The following ST6GALNAC3 variants were observed in gnomAD, a reference collection of about 807,000 sequenced individuals.
ST6GALNAC3 encodes the protein alpha-N-acetylgalactosaminide alpha-2,6-sialyltransferase 3.
In ST6GALNAC3, 25 loss-of-function variants were observed where a neutral mutation model predicts 32.7. The observed-to-expected ratio is 0.76, with a 90% CI of 0.56 to 1.07. ST6GALNAC3 has a LOEUF of 1.07. Ranked by LOEUF, ST6GALNAC3 falls within the 50% of genes least tolerant of loss-of-function variation. The pLI is 0.00. For synonymous variants in ST6GALNAC3, 129 were observed against 133.1 expected (o/e 0.97, Z 0.21); for missense variants, 355 against 382.4 (o/e 0.93, Z 0.60).
At chr1:76,356,484 C>T (rs1649458782) in intron 2 of ST6GALNAC3, among the ~76,000 whole-genome samples, 1 of 120,270 alleles carries the variant, frequency 8.3e-6, no homozygotes, top group African/African-American at 3.2e-5. Context: ...AGTGCAGGAA[C>T]AGGGGAGAAA....
At position 76,146,521 on chromosome 1, in the gene ST6GALNAC3, C is replaced by G. The variant is rs530446088; in HGVS notation, c.18+71637C>G. ...TCCTCCCCTCCTCCTTCTTTTCTCC[C>G]TCACACTCCTGTCCACACTTCCAGT... On this transcript the variant is annotated intron_variant, in intron 1 of 4. Coordinates refer to ENST00000328299, the MANE Select transcript of ST6GALNAC3 (RefSeq NM_152996.4). Among the ~76,000 whole-genome samples the G allele has an allele frequency of 5.9e-5, 9 of 152,238 alleles. No individual in the cohort carries two copies. In the East Asian group the frequency reaches 1.7e-3, roughly 30 times the overall value.
intron 2 of ST6GALNAC3, among the ~76,000 whole-genome samples, chr1:76,327,293 TG>T (rs1412905314): frequency 6.6e-6 from 1 of 151,446 alleles, no homozygotes; most frequent in African/African-American, 2.4e-5. Flanking sequence ...TGTGTGTGTG[TG>T]TGTGTGTGTG....
At chr1:76,444,793 G>C (rs1294049131) in intron 3 of ST6GALNAC3, among the ~76,000 whole-genome samples, 1 of 152,142 alleles carries the variant, frequency 6.6e-6, no homozygotes, top group African/African-American at 2.4e-5. Context: ...GATTGCAACT[G>C]TATGTCCTCT....
intron 3 of ST6GALNAC3, among the ~76,000 whole-genome samples, chr1:76,600,959 G>T (rs895788766): frequency 4.6e-5 from 7 of 152,156 alleles, no homozygotes; most frequent in Non-Finnish European, 8.8e-5. Flanking sequence ...GAGGTGGGTG[G>T]ATGGCTTTAG....
At chr1:76,180,981 G>A (rs1264187614) in intron 1 of ST6GALNAC3, among the ~76,000 whole-genome samples, 2 of 152,258 alleles carry the variant, frequency 1.3e-5, no homozygotes, top group Non-Finnish European at 2.9e-5. Context: ...TGACACTTAA[G>A]CCATGCGTGG....
At chr1:76,190,864 G>A (rs66489023) in intron 1 of ST6GALNAC3, among the ~76,000 whole-genome samples, 11,563 of 152,176 alleles carry the variant, frequency 0.076, 449 homozygotes, top group Middle Eastern at 0.11. Context: ...TTTAAAAATT[G>A]GTATTGGTTC....
intron 3 of ST6GALNAC3, among the ~76,000 whole-genome samples, chr1:76,545,858 C>T (rs1664267582): frequency 1.3e-5 from 2 of 152,072 alleles, no homozygotes; most frequent in African/African-American, 2.4e-5. Flanking sequence ...AGGGTTTCTC[C>T]ATGTTGGTCA....
chr1:76,410,676 G>A (rs1654172084), intron 2 of ST6GALNAC3, among the ~76,000 whole-genome samples: 1 of 152,068 alleles, frequency 6.6e-6, no homozygotes. Flanking sequence ...CTCTATGACT[G>A]CTGTGAGTGC....
chr1:76,341,605 T>TTTTCTTTCCTTCTTTCTTTC (rs1647977608), intron 2 of ST6GALNAC3, among the ~76,000 whole-genome samples: 1 of 91,186 alleles, frequency 1.1e-5, no homozygotes, highest in Non-Finnish European at 2.2e-5. Context: ...TCCAAACTGC[T>TTTTCTTTCCTTCTTTCTTTC]TTTCTTTCTT....
intron 3 of ST6GALNAC3, among the ~76,000 whole-genome samples, chr1:76,465,648 A>G (rs1268737049): frequency 6.6e-6 from 1 of 152,152 alleles, no homozygotes. Context: ...ATATTAGCCA[A>G]ACACTGAGCA....
At chr1:76,161,207 C>T (rs527693453) in intron 1 of ST6GALNAC3, among the ~76,000 whole-genome samples, 1 of 152,306 alleles carries the variant, frequency 6.6e-6, no homozygotes, top group Admixed American at 6.5e-5. Flanking sequence ...TGATAGAGCA[C>T]TGGAGAGGCA....
intron 3 of ST6GALNAC3, among the ~76,000 whole-genome samples, chr1:76,581,091 T>C (rs1467466197): frequency 6.6e-6 from 1 of 152,132 alleles, no homozygotes; most frequent in Admixed American, 6.6e-5. Flanking sequence ...CCCTGAATTG[T>C]TTAGTGCTGA....
intron 2 of ST6GALNAC3, among the ~76,000 whole-genome samples, chr1:76,405,653 A>G (rs1299117219): frequency 6.6e-6 from 1 of 151,456 alleles, no homozygotes; most frequent in Non-Finnish European, 1.5e-5. Flanking sequence ...GGAGGAACAG[A>G]AGGGTTCTTT....
At chr1:76,597,549 CTT>C (rs140117833) in intron 3 of ST6GALNAC3, among the ~76,000 whole-genome samples, 1,762 of 152,190 alleles carry the variant, frequency 0.012, 22 homozygotes, top group Admixed American at 0.039. Context: ...TCTAGAGACT[CTT>C]TGTTCTACTT....
intron 3 of ST6GALNAC3, among the ~76,000 whole-genome samples, chr1:76,426,869 C>T (rs749985035): frequency 6.6e-6 from 1 of 151,880 alleles, no homozygotes; most frequent in Non-Finnish European, 1.5e-5. Context: ...AGACCATGGT[C>T]ATATATGCGG....
chr1:76,076,070 T>C (rs1382552710), intron 1 of ST6GALNAC3, among the ~76,000 whole-genome samples: 3 of 152,194 alleles, frequency 2.0e-5, no homozygotes, highest in African/African-American at 7.2e-5. Flanking sequence ...CTTTCTGAAC[T>C]TCCTCTTTTT....
At chr1:76,153,299 T>G (rs1651172406) in intron 1 of ST6GALNAC3, among the ~76,000 whole-genome samples, 2 of 152,188 alleles carry the variant, frequency 1.3e-5, no homozygotes, top group Admixed American at 6.5e-5. Context: ...ACACTGATAA[T>G]GTTCTCCTCC....
chr1:76,310,652 C>T (rs539814311), intron 1 of ST6GALNAC3, among the ~76,000 whole-genome samples: 30 of 152,156 alleles, frequency 2.0e-4, no homozygotes, highest in Middle Eastern at 3.4e-3. Context: ...GGAGAGTCTG[C>T]GAAGAGCAAA....
chr1:76,388,555 T>C (rs939663479), intron 2 of ST6GALNAC3, among the ~76,000 whole-genome samples: 1 of 152,172 alleles, frequency 6.6e-6, no homozygotes, highest in Admixed American at 6.5e-5. Context: ...GGTATAGTTG[T>C]TACTATGGAA....
Sources: gnomAD v4.1 joint callset for allele counts (sites outside exome capture counted in the v4.1 genomes callset) on GRCh38, gnomAD v4.1.1 for gene constraint, MANE v1.5 for transcripts, NCBI Gene and HGNC (gene_info 2026-07-23, HGNC 2026-07-21) for gene names.